The following NRXN1 variants were observed in gnomAD, a reference collection of about 807,000 sequenced individuals.
The protein encoded by NRXN1 is neurexin-1.
A neutral mutation model predicts 150.9 loss-of-function variants in NRXN1; 39 were observed. The ratio of observed to expected loss-of-function variants is 0.26; its 90% confidence interval spans 0.20 to 0.34. The LOEUF (loss-of-function observed/expected upper bound fraction) is 0.34. NRXN1 is among the 10% of genes least tolerant of loss of function. The probability of loss-of-function intolerance (pLI) is 1.00; values close to 1 mark genes in which losing one functional copy is unlikely to be tolerated. For missense variants in NRXN1, 1,815 were observed against 1,949.9 expected, an observed-to-expected ratio of 0.93 and a Z score of 1.30; for synonymous variants, 924 against 757.0, an observed-to-expected ratio of 1.22 and a Z score of -3.62.
At chr2:50,972,832 A>G (rs1695225772) in intron 2 of NRXN1, among the ~76,000 whole-genome samples, 1 of 152,166 alleles carries the variant, frequency 6.6e-6, no homozygotes, top group South Asian at 2.1e-4. Flanking sequence ...GAGCGGCTGT[A>G]AATACCTGGT....
At chr2:50,732,175 T>C (rs531821816) in intron 5 of NRXN1, among the ~76,000 whole-genome samples, 12 of 152,166 alleles carry the variant, frequency 7.9e-5, no homozygotes, top group Non-Finnish European at 1.6e-4. Flanking sequence ...TTGTTCCCCA[T>C]ATTTTTACAT....
At chr2:50,136,781 ATAAT>A (rs1227988378) in intron 18 of NRXN1, among the ~76,000 whole-genome samples, 12 of 152,262 alleles carry the variant, frequency 7.9e-5, no homozygotes, top group Admixed American at 7.9e-4. Context: ...CAAGTGAAAA[ATAAT>A]TTATTTATTT....
At chr2:50,012,304 T>C (rs1373047836) in intron 21 of NRXN1, among the ~76,000 whole-genome samples, 2 of 152,152 alleles carry the variant, frequency 1.3e-5, no homozygotes, top group African/African-American at 4.8e-5. Context: ...TATAACTGCA[T>C]TTACAACTTG....
rs545164601 is a variant in NRXN1, at chr2:50,707,726, G to T, written c.833-84111C>A. ...GTGATCGATCCAGAAGAAGCCAGCAGCAACAAACTCTGGGTACTCATACGG... is the reference window on the plus strand; with the variant it reads ...GTGATCGATCCAGAAGAAGCCAGCATCAACAAACTCTGGGTACTCATACGG... On this transcript the variant is annotated intron_variant, in intron 5 of 22. Transcript: ENST00000401669. Among the ~76,000 whole-genome samples, 12 of 152,148 alleles carry T rather than the reference G, an allele frequency of 7.9e-5. No individual in the cohort carries two copies. The East Asian group carries it at 2.1e-3, about 27-fold the overall frequency.
intron 8 of NRXN1, among the ~76,000 whole-genome samples, chr2:50,586,702 T>A (rs1015579091): frequency 2.6e-5 from 4 of 152,060 alleles, no homozygotes; most frequent in Non-Finnish European, 4.4e-5. Context: ...CAGTGAGAGG[T>A]CTTCTGTTTC....
chr2:50,812,547 G>A (rs1170912335), intron 5 of NRXN1, among the ~76,000 whole-genome samples: 1 of 152,034 alleles, frequency 6.6e-6, no homozygotes, highest in African/African-American at 2.4e-5. Flanking sequence ...TGATAGATGT[G>A]TATGTGTGGG....
intron 5 of NRXN1, among the ~76,000 whole-genome samples, chr2:50,672,036 C>T (rs1688927257): frequency 6.6e-6 from 1 of 151,956 alleles, no homozygotes; most frequent in Admixed American, 6.6e-5. Context: ...GTAAAAACTA[C>T]ATGTAAAAAT....
chr2:50,569,522 T>A (rs1670350184), intron 8 of NRXN1, among the ~76,000 whole-genome samples: 1 of 152,134 alleles, frequency 6.6e-6, no homozygotes, highest in African/African-American at 2.4e-5. Context: ...ATATATTATA[T>A]GTAATATAAA....
intron 8 of NRXN1, among the ~76,000 whole-genome samples, chr2:50,613,806 C>T (rs920107159): frequency 1.3e-5 from 2 of 152,000 alleles, no homozygotes; most frequent in South Asian, 2.1e-4. Flanking sequence ...GGCATGGTGA[C>T]GGGCACTTGT....
chr2:50,893,384 T>G (rs1353633037), intron 5 of NRXN1, among the ~76,000 whole-genome samples: 1 of 152,176 alleles, frequency 6.6e-6, no homozygotes, highest in Non-Finnish European at 1.5e-5. Context: ...TTTCATATAA[T>G]GAAACATTTG....
At chr2:50,648,644 C>T (rs1017286402) in intron 5 of NRXN1, among the ~76,000 whole-genome samples, 5 of 151,944 alleles carry the variant, frequency 3.3e-5, no homozygotes, top group South Asian at 4.1e-4. Context: ...TGATAGGCAT[C>T]TCTGTGATCT....
At chr2:51,022,184 TA>T in intron 2 of NRXN1, among the ~76,000 whole-genome samples, 1 of 152,208 alleles carries the variant, frequency 6.6e-6, no homozygotes, top group Admixed American at 6.5e-5. Flanking sequence ...GAGGTAATAG[TA>T]ACAAAAGTAA....
intron 2 of NRXN1, among the ~76,000 whole-genome samples, chr2:50,947,831 A>C (rs953532552): frequency 5.9e-5 from 9 of 152,032 alleles, no homozygotes; most frequent in African/African-American, 2.2e-4. Flanking sequence ...TACACTTGCA[A>C]ATTTTTTCAC....
intron 17 of NRXN1, among the ~76,000 whole-genome samples, chr2:50,405,848 C>T (rs886374260): frequency 7.2e-5 from 11 of 152,062 alleles, no homozygotes; most frequent in African/African-American, 2.7e-4. Context: ...ATAGCTAATT[C>T]TTAATGAGTA....
chr2:50,447,791 A>C (rs1269244272), intron 17 of NRXN1, among the ~76,000 whole-genome samples: 1 of 130,042 alleles, frequency 7.7e-6, no homozygotes, highest in Non-Finnish European at 1.6e-5. Flanking sequence ...CTAATTCCCT[A>C]AATGTACTAT....
intron 19 of NRXN1, among the ~76,000 whole-genome samples, chr2:50,061,485 A>C (rs1019578964): frequency 6.6e-6 from 1 of 152,220 alleles, no homozygotes; most frequent in Non-Finnish European, 1.5e-5. Context: ...ATCAAAACAA[A>C]GTTGAATCTT....
chr2:50,071,913 T>C (rs1696345767), intron 19 of NRXN1, among the ~76,000 whole-genome samples: 1 of 152,312 alleles, frequency 6.6e-6, no homozygotes, highest in African/African-American at 2.4e-5. Flanking sequence ...ATGTATTTTG[T>C]CCTGTTCTGG....
chr2:50,578,899 C>T (rs922947819), intron 8 of NRXN1, among the ~76,000 whole-genome samples: 7 of 152,026 alleles, frequency 4.6e-5, no homozygotes, highest in South Asian at 4.1e-4. Flanking sequence ...ACGAAATCCA[C>T]GCCTCCCCCT....
intron 5 of NRXN1, among the ~76,000 whole-genome samples, chr2:50,845,505 C>A (rs1428157860): frequency 6.6e-6 from 1 of 152,214 alleles, no homozygotes; most frequent in Non-Finnish European, 1.5e-5. Context: ...TAATGACTTA[C>A]TTTCTTCATG....
Sources: allele counts gnomAD v4.1 joint callset (sites outside exome capture counted in the v4.1 genomes callset), GRCh38; gene constraint gnomAD v4.1.1; transcripts MANE v1.5; gene names NCBI Gene and HGNC (gene_info 2026-07-23, HGNC 2026-07-21).